Variants in SMOC2 observed in about 807,000 individuals in gnomAD.
SMOC2 encodes the protein SPARC related modular calcium binding 2.
In SMOC2, 39 loss-of-function variants were observed where a neutral mutation model predicts 61.4. The ratio of observed to expected loss-of-function variants is 0.64; its 90% CI spans 0.49 to 0.83. SMOC2 has a LOEUF of 0.83. Among genes scored for constraint, SMOC2 ranks in the 40% least tolerant of loss-of-function variants. The pLI is 0.00. For synonymous variants in SMOC2, 247 were observed against 239.9 expected, an observed-to-expected ratio of 1.03 and a Z score of -0.27; for missense variants, 556 against 592.9, an observed-to-expected ratio of 0.94 and a Z score of 0.65.
chr6:168,575,123 C>T (rs979557845), intron 7 of SMOC2, among the ~76,000 whole-genome samples: 2 of 152,114 alleles, frequency 1.3e-5, no homozygotes, highest in Non-Finnish European at 2.9e-5. Flanking sequence ...AAGCGCTGGG[C>T]GGGCGTGGAC....
chr6:168,571,842 T>A, intron 7 of SMOC2, among the ~76,000 whole-genome samples: 1 of 141,088 alleles, frequency 7.1e-6, no homozygotes, highest in African/African-American at 2.6e-5. Flanking sequence ...GGCTGCGTGC[T>A]CCCTGAACGC....
At chr6:168,650,624 G>C (rs1004999568) in intron 9 of SMOC2, 57 bp from the exon 10 acceptor site, 1 of 1,512,368 alleles carries the variant, frequency 6.6e-7, no homozygotes, top group Admixed American at 1.8e-5. Flanking sequence ...CTGTATTTTA[G>C]AGGAAAATCT....
chr6:168,636,344 G>T (rs1786719131), intron 9 of SMOC2, among the ~76,000 whole-genome samples: 2 of 152,210 alleles, frequency 1.3e-5, no homozygotes, highest in South Asian at 4.1e-4. Flanking sequence ...CTGCTTCTTA[G>T]GATGGGTCTT....
At chr6:168,500,804 A>G (rs1057070953) in intron 1 of SMOC2, among the ~76,000 whole-genome samples, 3 of 152,168 alleles carry the variant, frequency 2.0e-5, no homozygotes, top group African/African-American at 7.2e-5. Flanking sequence ...GTGGCCGCCG[A>G]GGACGCACAC....
chr6:168,659,877 G>A (rs1040541133), intron 11 of SMOC2, among the ~76,000 whole-genome samples: 1 of 152,116 alleles, frequency 6.6e-6, no homozygotes, highest in African/African-American at 2.4e-5. Context: ...GATGGAGATT[G>A]TTGGCTGGAT....
At chr6:168,585,754 T>C (rs535183927) in intron 7 of SMOC2, among the ~76,000 whole-genome samples, 8 of 152,274 alleles carry the variant, frequency 5.3e-5, no homozygotes, top group African/African-American at 1.4e-4. Context: ...TGATGACGGA[T>C]GATGTTGGAC....
Position 168,441,329 on chromosome 6 carries a change from G to T in SMOC2, c.-42G>T. On this transcript the variant is annotated 5_prime_UTR_variant, in exon 1 of 13. Coordinates refer to ENST00000356284, the MANE Select transcript of SMOC2 (RefSeq NM_001166412.2). The stretch of plus-strand genomic sequence containing the variant: ...GCTCTCCCGGCTGCAGTGCCAGGGC[G>T]CAGGACGCGGCCGATCTCCCGCTCC... 1.1e-5 allele frequency: 16 copies of T among 1,491,818 alleles called. No homozygotes were observed. Among genetic ancestry groups the T allele is most frequent in the Non-Finnish European group, 1.3e-5 (15 of 1,128,114 alleles). 92.4% of individuals were successfully genotyped at this position (1,491,818 alleles called of 1,614,324 possible).
At chr6:168,611,515 C>T (rs112067503) in intron 9 of SMOC2, among the ~76,000 whole-genome samples, 4 of 80,306 alleles carry the variant, frequency 5.0e-5, no homozygotes, top group African/African-American at 1.0e-4. Context: ...CGGGCCTGGC[C>T]GTGGCTCCCA....
chr6:168,485,456 T>C (rs1030040706), intron 1 of SMOC2, among the ~76,000 whole-genome samples: 19 of 152,234 alleles, frequency 1.2e-4, no homozygotes, highest in African/African-American at 4.6e-4. Flanking sequence ...ATAAGTAAAA[T>C]GCAGCCTAGT....
In SMOC2 at chr6:168,536,518, C is replaced by T. The variant is rs981285403; in HGVS notation, c.464-7107C>T. On this transcript the variant is annotated intron_variant, in intron 4 of 12. Transcript: ENST00000356284. ...CAGCCTCACGGTGACCCAGGGCCTC[C>T]CTGGGATGAGGCAGGAAGGAGGTCC... 2.0e-5 allele frequency among the ~76,000 whole-genome samples: 3 copies of T among 152,046 alleles called. 1 individual carries two copies. Among genetic ancestry groups the T allele is most frequent in the African/African-American group, 7.2e-5 (3 of 41,404 alleles).
chr6:168,636,645 A>G (rs1786728903), intron 9 of SMOC2, among the ~76,000 whole-genome samples: 1 of 152,262 alleles, frequency 6.6e-6, no homozygotes. Flanking sequence ...GATAGCGGTC[A>G]AAGCTGCTGC....
chr6:168,443,533 C>T (rs1021274229), intron 1 of SMOC2, among the ~76,000 whole-genome samples: 3 of 152,116 alleles, frequency 2.0e-5, no homozygotes, highest in African/African-American at 7.2e-5. Context: ...AAGATTAAAG[C>T]CATAACACAT....
At chr6:168,621,586 A>G (rs912333911) in intron 9 of SMOC2, among the ~76,000 whole-genome samples, 1 of 152,246 alleles carries the variant, frequency 6.6e-6, no homozygotes, top group Non-Finnish European at 1.5e-5. Context: ...ACTGATTCAC[A>G]GTTCCACATG....
chr6:168,591,255 G>T (rs1366093397), intron 7 of SMOC2, among the ~76,000 whole-genome samples: 5 of 152,236 alleles, frequency 3.3e-5, no homozygotes, highest in Non-Finnish European at 7.3e-5. Context: ...AGGCCTGCAG[G>T]CCAGGGATCT....
intron 9 of SMOC2, among the ~76,000 whole-genome samples, chr6:168,627,322 T>C (rs1786439170): frequency 6.6e-6 from 1 of 152,228 alleles, no homozygotes; most frequent in Admixed American, 6.5e-5. Context: ...GTGAGTGCAC[T>C]GTTAGCTGTT....
intron 11 of SMOC2, among the ~76,000 whole-genome samples, chr6:168,658,043 T>C (rs1562409401): frequency 6.6e-6 from 1 of 152,162 alleles, no homozygotes; most frequent in Non-Finnish European, 1.5e-5. Context: ...GGTGTTTTGC[T>C]CTTTGAGACT....
chr6:168,634,610 A>G (rs1786664919), intron 9 of SMOC2, among the ~76,000 whole-genome samples: 1 of 152,204 alleles, frequency 6.6e-6, no homozygotes, highest in South Asian at 2.1e-4. Context: ...TGGGAGCTAA[A>G]ACTTTTGCAT....
chr6:168,556,468 G>C (rs1030862710), intron 7 of SMOC2, among the ~76,000 whole-genome samples: 8 of 151,132 alleles, frequency 5.3e-5, no homozygotes, highest in Non-Finnish European at 8.8e-5. Flanking sequence ...GCGGGCCCTG[G>C]GCACTGATGC....
intron 1 of SMOC2, among the ~76,000 whole-genome samples, chr6:168,474,848 G>A (rs1051213235): frequency 6.6e-6 from 1 of 152,102 alleles, no homozygotes; most frequent in Admixed American, 6.5e-5. Flanking sequence ...ATATTACTCC[G>A]TATTTGGATA....
Sources: gnomAD v4.1 joint callset for allele counts (sites outside exome capture counted in the v4.1 genomes callset) on GRCh38, gnomAD v4.1.1 for gene constraint, MANE v1.5 for transcripts, NCBI Gene and HGNC (gene_info 2026-07-23, HGNC 2026-07-21) for gene names.